Variants in GPR158 observed in about 807,000 individuals in gnomAD.
GPR158 encodes G protein-coupled receptor 158.
A neutral mutation model predicts 78.2 loss-of-function variants in GPR158; 30 were observed. The ratio of observed to expected loss-of-function variants is 0.38; its 90% confidence interval spans 0.29 to 0.52. GPR158 has a LOEUF of 0.52. GPR158 is among the 20% of genes least tolerant of loss of function. The probability of loss-of-function intolerance (pLI) is 0.83; values close to 1 mark genes in which losing one functional copy is unlikely to be tolerated. For synonymous variants in GPR158, 581 were observed against 591.1 expected, an observed-to-expected ratio of 0.98 and a Z score of 0.25; for missense variants, 1,463 against 1,523.5, an observed-to-expected ratio of 0.96 and a Z score of 0.66.
chr10:25,598,024 G>A lies in GPR158; in HGVS notation c.2398G>A (p.Gly800Arg), dbSNP rs754011154. 2 of 1,614,078 alleles carry A rather than the reference G, an allele frequency of 1.2e-6. No individual in the cohort carries two copies. The highest frequency in any genetic ancestry group is 1.1e-5 in the South Asian group (1 of 91,086). The change falls in exon 11 of 11, where the codon GGG becomes AGG. Residue 800 changes from glycine (G) to arginine (R), a missense_variant. Gly to Arg is a moderately radical substitution (Grantham distance 125). Coordinates refer to ENST00000376351, the MANE Select transcript of GPR158 (RefSeq NM_020752.3). ...CCCCCCAGAGTCTTCAGGGAACACA[G>A]GGAAATCCAAGGAGGAGACCCTGAA... ...KNPPESSGNT[G>R]KSKEETLKNR...
In GPR158 at chr10:25,345,614, C is replaced by G. The variant is rs375372131; in HGVS notation, c.1009-50297C>G. On this transcript the variant is annotated intron_variant, in intron 2 of 10. Transcript: ENST00000376351. Reference sequence around the variant, plus strand: ...TGTTATCATTTATGATGCAAATGTACTGTTGATGCTATAAATCAACTTGTT... The same window carrying G: ...TGTTATCATTTATGATGCAAATGTAGTGTTGATGCTATAAATCAACTTGTT... Among the ~76,000 whole-genome samples the G allele has an allele frequency of 7.9e-5, 12 of 152,104 alleles. No individual in the cohort carries two copies. In the South Asian group the frequency reaches 2.3e-3, roughly 29 times the overall value.
intron 2 of GPR158, among the ~76,000 whole-genome samples, chr10:25,298,946 T>A (rs2130772612): frequency 1.3e-5 from 2 of 152,350 alleles, no homozygotes. Context: ...GTACTTAATT[T>A]CTTTACCTGA....
intron 2 of GPR158, among the ~76,000 whole-genome samples, chr10:25,365,957 C>G (rs1360218940): frequency 6.6e-6 from 1 of 151,520 alleles, no homozygotes; most frequent in East Asian, 1.9e-4. Flanking sequence ...TTTTTAAAAA[C>G]CTTACATAAA....
At chr10:25,260,738 G>T (rs545181855) in intron 2 of GPR158, among the ~76,000 whole-genome samples, 23 of 152,100 alleles carry the variant, frequency 1.5e-4, no homozygotes, top group Admixed American at 1.2e-3. Context: ...ATATGTAGCT[G>T]ATTAACACTC....
intron 2 of GPR158, among the ~76,000 whole-genome samples, chr10:25,378,647 A>C (rs970458946): frequency 2.0e-5 from 3 of 151,614 alleles, no homozygotes; most frequent in African/African-American, 7.3e-5. Flanking sequence ...AATATTTTTT[A>C]ATACTTTTAG....
At chr10:25,253,914 T>G (rs1254388398) in intron 2 of GPR158, among the ~76,000 whole-genome samples, 3 of 152,122 alleles carry the variant, frequency 2.0e-5, no homozygotes, top group African/African-American at 7.2e-5. Flanking sequence ...AGTAATAAAA[T>G]TGTAGGAACC....
chr10:25,373,653 T>C (rs1193393203), intron 2 of GPR158, among the ~76,000 whole-genome samples: 1 of 151,942 alleles, frequency 6.6e-6, no homozygotes, highest in East Asian at 1.9e-4. Flanking sequence ...ATGTTTTCAA[T>C]TTCCTTTTTG....
In GPR158 at chr10:25,431,818, A is replaced by C. The variant is rs1834912209; in HGVS notation, c.1335+19345A>C. Among the ~76,000 whole-genome samples the C allele has an allele frequency of 2.0e-5, 3 of 152,124 alleles. No homozygotes were observed. In the South Asian group the frequency reaches 6.2e-4, roughly 32 times the overall value. ...TGTGGGAATTGAATGATGAGAACAC[A>C]TGGACACAGGAAGGGGAACATCACA... is the stretch of plus-strand genomic sequence containing the variant. On this transcript the variant is annotated intron_variant, in intron 4 of 10. Transcript: ENST00000376351.
intron 2 of GPR158, among the ~76,000 whole-genome samples, chr10:25,251,014 A>G (rs1056719052): frequency 3.3e-5 from 5 of 151,772 alleles, no homozygotes; most frequent in African/African-American, 1.2e-4. Flanking sequence ...GGGTGCATAT[A>G]TATTTAGGAT....
At chr10:25,285,084 GT>G (rs1854330672) in intron 2 of GPR158, among the ~76,000 whole-genome samples, 4 of 151,752 alleles carry the variant, frequency 2.6e-5, no homozygotes, top group Non-Finnish European at 4.4e-5. Context: ...GTGTGTGTGT[GT>G]GTGTGTATGC....
chr10:25,573,459 G>A (rs1186054294), intron 7 of GPR158, among the ~76,000 whole-genome samples: 1 of 152,230 alleles, frequency 6.6e-6, no homozygotes, highest in Non-Finnish European at 1.5e-5. Flanking sequence ...AGTGTAGTAA[G>A]TGCTACGTGG....
At chr10:25,348,845 T>G (rs555197618) in intron 2 of GPR158, among the ~76,000 whole-genome samples, 1 of 152,136 alleles carries the variant, frequency 6.6e-6, no homozygotes, top group Non-Finnish European at 1.5e-5. Flanking sequence ...AAACTTGCTT[T>G]GAAGATTCAC....
At chr10:25,566,586 A>C in intron 6 of GPR158, among the ~76,000 whole-genome samples, 1 of 152,226 alleles carries the variant, frequency 6.6e-6, no homozygotes, top group African/African-American at 2.4e-5. Flanking sequence ...ACAATGTGAG[A>C]TATGAGAACT....
intron 2 of GPR158, among the ~76,000 whole-genome samples, chr10:25,345,071 T>C (rs775813877): frequency 6.6e-6 from 1 of 152,014 alleles, no homozygotes; most frequent in African/African-American, 2.4e-5. Context: ...TCTCAACATA[T>C]GAATTTGAAG....
chr10:25,438,996 C>T (rs1361985039), intron 4 of GPR158, among the ~76,000 whole-genome samples: 2 of 152,160 alleles, frequency 1.3e-5, no homozygotes, highest in African/African-American at 4.8e-5. Context: ...CTACATGTTG[C>T]CTCTGGCTGA....
rs750557239 is a variant in GPR158, at chr10:25,412,206, C to G, written c.1112-44C>G. 1.8e-5 allele frequency: 24 copies of G among 1,316,028 alleles called. No homozygotes were observed. In the Admixed American group the frequency reaches 2.3e-4, roughly 13 times the overall value. The allele number at this position is 1,316,028 out of a possible 1,614,324, so 81.5% of individuals were successfully genotyped here. On this transcript the variant is annotated intron_variant, in intron 3 of 10. Coordinates refer to ENST00000376351, the MANE Select transcript of GPR158 (RefSeq NM_020752.3). ...TGACTCTATACTCAATCTTACCTAC[C>G]TAAGAGGTGCAAATGACACTGTGGT...
chr10:25,485,360 A>T (rs1424668244), intron 5 of GPR158, among the ~76,000 whole-genome samples: 4 of 152,110 alleles, frequency 2.6e-5, no homozygotes, highest in African/African-American at 7.2e-5. Context: ...ATAGCAAAAG[A>T]AGAGAAATAT....
chr10:25,211,841 C>A (rs535918505), intron 1 of GPR158, among the ~76,000 whole-genome samples: 2 of 152,286 alleles, frequency 1.3e-5, no homozygotes, highest in East Asian at 1.9e-4. Flanking sequence ...GTTCCTAATA[C>A]TACCTTCCTT....
chr10:25,287,365 G>A (rs1208265770), intron 2 of GPR158, among the ~76,000 whole-genome samples: 1 of 152,100 alleles, frequency 6.6e-6, no homozygotes, highest in Non-Finnish European at 1.5e-5. Context: ...GTGGGTTTAG[G>A]TGGGTTTTCA....
Sources: gnomAD v4.1 joint callset for allele counts (sites outside exome capture counted in the v4.1 genomes callset) on GRCh38, gnomAD v4.1.1 for gene constraint, MANE v1.5 for transcripts, NCBI Gene and HGNC (gene_info 2026-07-23, HGNC 2026-07-21) for gene names.